Variants in BANK1 observed in about 807,000 individuals in gnomAD.
BANK1 encodes B cell scaffold protein with ankyrin repeats 1.
A neutral mutation model predicts 94.5 loss-of-function variants in BANK1; 95 were observed. The ratio of observed to expected loss-of-function variants is 1.00; its 90% CI spans 0.85 to 1.19. The LOEUF is 1.19. Ranked by LOEUF, BANK1 falls within the 50% of genes most tolerant of loss-of-function variation. The pLI is 0.00. For missense variants in BANK1, 987 were observed against 932.2 expected (o/e 1.06, Z -0.77); for synonymous variants, 334 against 308.4 (o/e 1.08, Z -0.87).
At chr4:101,989,053 A>G (rs945399251) in intron 7 of BANK1, among the ~76,000 whole-genome samples, 1 of 152,150 alleles carries the variant, frequency 6.6e-6, no homozygotes, top group African/African-American at 2.4e-5. Flanking sequence ...GCTGGCCACA[A>G]TGGCACCCAC....
intron 5 of BANK1, among the ~76,000 whole-genome samples, chr4:101,881,598 A>G (rs1728679147): frequency 6.6e-6 from 1 of 152,172 alleles, no homozygotes; most frequent in Non-Finnish European, 1.5e-5. Flanking sequence ...TCAGTATATC[A>G]AAGAGATATC....
chr4:101,889,604 CAAAAAAAAAA>C (rs59341810), intron 5 of BANK1, among the ~76,000 whole-genome samples: 1 of 54,912 alleles, frequency 1.8e-5, no homozygotes, highest in South Asian at 1.0e-3. Flanking sequence ...GACTCCGTCT[CAAAAAAAAAA>C]AAAAAAAAAA....
In BANK1 at chr4:102,052,512, T is replaced by C. The variant is rs182773439; in HGVS notation, c.1970-7699T>C. Among the ~76,000 whole-genome samples the C allele has an allele frequency of 2.6e-5, 4 of 152,248 alleles. No individual in the cohort carries two copies. The East Asian group carries it at 7.7e-4, about 29-fold the overall frequency. On this transcript the variant is annotated intron_variant, in intron 11 of 16. Coordinates refer to ENST00000322953, the MANE Select transcript of BANK1 (RefSeq NM_017935.5). ...GAGTTTTTTTTGTAAAGACTCAGAA[T>C]AATTATACTTCTGTTAATGATTTAT...
chr4:102,069,416 C>A (rs1728688463), intron 13 of BANK1, among the ~76,000 whole-genome samples: 1 of 152,142 alleles, frequency 6.6e-6, no homozygotes, highest in Non-Finnish European at 1.5e-5. Context: ...GCAAATTCAA[C>A]TACACTGATA....
At chr4:101,962,404 T>C (rs1292777409) in intron 7 of BANK1, among the ~76,000 whole-genome samples, 2 of 152,176 alleles carry the variant, frequency 1.3e-5, no homozygotes, top group Non-Finnish European at 2.9e-5. Flanking sequence ...TCCCTTCCAC[T>C]GGAAGCTCTT....
chr4:102,012,614 G>A (rs1411282041), intron 7 of BANK1, among the ~76,000 whole-genome samples: 1 of 152,048 alleles, frequency 6.6e-6, no homozygotes, highest in South Asian at 2.1e-4. Context: ...AATCTGTGTG[G>A]GAAATTGCTA....
chr4:101,931,953 G>T (rs1478067021), intron 7 of BANK1, among the ~76,000 whole-genome samples: 6 of 151,416 alleles, frequency 4.0e-5, no homozygotes, highest in Admixed American at 3.3e-4. Flanking sequence ...AACTAAAGTT[G>T]TTTTAGGAAA....
At chr4:101,936,351 G>T (rs182001978) in intron 7 of BANK1, among the ~76,000 whole-genome samples, 248 of 149,600 alleles carry the variant, frequency 1.7e-3, no homozygotes, top group Non-Finnish European at 3.1e-3. Context: ...ACATATACAT[G>T]TATACATACA....
intron 7 of BANK1, among the ~76,000 whole-genome samples, chr4:102,007,091 T>A (rs1466234737): frequency 0.011 from 853 of 75,210 alleles, 27 homozygotes; most frequent in African/African-American, 0.045. Flanking sequence ...AATATATATA[T>A]AATATATTTA....
chr4:101,884,954 G>T (rs1728797998), intron 5 of BANK1, among the ~76,000 whole-genome samples: 1 of 152,212 alleles, frequency 6.6e-6, no homozygotes, highest in Non-Finnish European at 1.5e-5. Flanking sequence ...TGTCACTCAG[G>T]CTGGAGTGCA....
In BANK1 at chr4:102,003,242, G is replaced by A. The variant is rs541022194; in HGVS notation, c.1207-18272G>A. Among the ~76,000 whole-genome samples, 26 of 152,272 alleles carry A rather than the reference G, an allele frequency of 1.7e-4. 1 individual carries two copies. In the South Asian group the frequency reaches 5.2e-3, roughly 30 times the overall value. On this transcript the variant is annotated intron_variant, in intron 7 of 16. Transcript: ENST00000322953. The stretch of plus-strand genomic sequence containing the variant: ...TATTGCCCAGGCTATATATTGTTGT[G>A]TAAAAAAGCCATCCTAAAACTCAGT...
At chr4:101,828,339 A>G (rs1438797515) in intron 1 of BANK1, among the ~76,000 whole-genome samples, 3 of 150,564 alleles carry the variant, frequency 2.0e-5, no homozygotes, top group Non-Finnish European at 4.4e-5. Context: ...GGTGTATTGC[A>G]GTATAACTTA....
At chr4:102,057,397 G>C (rs1728268042) in intron 11 of BANK1, among the ~76,000 whole-genome samples, 1 of 142,762 alleles carries the variant, frequency 7.0e-6, no homozygotes, top group Admixed American at 7.3e-5. Flanking sequence ...GGTCTGCTCT[G>C]TCACCTAGGC....
intron 7 of BANK1, among the ~76,000 whole-genome samples, chr4:102,009,411 C>G (rs1225009023): frequency 6.6e-6 from 1 of 152,172 alleles, no homozygotes; most frequent in African/African-American, 2.4e-5. Flanking sequence ...GATGCCCTAC[C>G]TCTGCCTCTA....
chr4:101,802,971 G>GA (rs918584148), intron 1 of BANK1, among the ~76,000 whole-genome samples: 13 of 151,914 alleles, frequency 8.6e-5, no homozygotes, highest in Admixed American at 5.9e-4. Flanking sequence ...GTGTTCTTTG[G>GA]AAAAAAAATT....
intron 7 of BANK1, among the ~76,000 whole-genome samples, chr4:101,939,646 C>T (rs540265793): frequency 6.6e-6 from 1 of 151,724 alleles, no homozygotes; most frequent in East Asian, 2.0e-4. Context: ...TGGCCTAAAC[C>T]AGCCACATGG....
chr4:101,830,127 C>T lies in BANK1; in HGVS notation c.390C>T (p.Ile130=), dbSNP rs1243999530. The T allele has an allele frequency of 6.2e-7, 1 of 1,611,420 alleles. No individual in the cohort carries two copies. The highest frequency in any genetic ancestry group is 8.5e-7 in the Non-Finnish European group (1 of 1,179,034). ...SSDQLYELLN[I]SQSRWEISTE... is the part of the protein sequence containing the mutation. ...ATCAGCTCTATGAATTACTAAATAT[C>T]TCTCAAAGCAGATGGGAGATCTCAA... is the stretch of plus-strand genomic sequence containing the variant. The change falls in exon 2 of 17, where the codon ATC becomes ATT. Residue 130 remains isoleucine, a synonymous_variant. Transcript: ENST00000322953.
chr4:102,067,104 G>A (rs1728619536), intron 13 of BANK1, among the ~76,000 whole-genome samples: 1 of 151,886 alleles, frequency 6.6e-6, no homozygotes, highest in East Asian at 1.9e-4. Context: ...AAAGATTCAT[G>A]TTTTATTTTA....
intron 3 of BANK1, among the ~76,000 whole-genome samples, chr4:101,856,705 A>C (rs1319303472): frequency 2.0e-5 from 3 of 152,210 alleles, no homozygotes; most frequent in Non-Finnish European, 4.4e-5. Flanking sequence ...TGTTATTTAG[A>C]TAGCTAGTTA....
Sources: gnomAD v4.1 joint callset for allele counts (sites outside exome capture counted in the v4.1 genomes callset) on GRCh38, gnomAD v4.1.1 for gene constraint, MANE v1.5 for transcripts, NCBI Gene and HGNC (gene_info 2026-07-23, HGNC 2026-07-21) for gene names.